The following IL1RAPL1 variants were observed in gnomAD, a reference collection of about 807,000 sequenced individuals.
IL1RAPL1 encodes the protein interleukin-1 receptor accessory protein-like 1.
A neutral mutation model predicts 48.4 loss-of-function variants in IL1RAPL1; 3 were observed. The observed-to-expected ratio is 0.06, with a 90% CI of 0.03 to 0.16. The LOEUF is 0.16. Ranked by LOEUF, IL1RAPL1 falls within the 10% of genes least tolerant of loss-of-function variation. IL1RAPL1 has a pLI of 1.00. For missense variants in IL1RAPL1, 349 were observed against 530.6 expected (o/e 0.66, Z 3.36); for synonymous variants, 185 against 187.7 (o/e 0.99, Z 0.12).
At chrX:28,699,548 G>A (rs956530811) in intron 1 of IL1RAPL1, among the ~76,000 whole-genome samples, 1 of 112,376 alleles carries the variant, frequency 8.9e-6, no homozygotes, top group Non-Finnish European at 1.9e-5. Context: ...TCAGCCAGAC[G>A]TTTTCTTTGA....
intron 6 of IL1RAPL1, among the ~76,000 whole-genome samples, chrX:29,862,497 A>C (rs1405656740): frequency 9.0e-6 from 1 of 111,323 alleles, no homozygotes; most frequent in East Asian, 2.8e-4. Flanking sequence ...AAAACGTGTG[A>C]TTTACTAGCT....
chrX:28,738,189 T>A (rs1300242480), intron 1 of IL1RAPL1, among the ~76,000 whole-genome samples: 4 of 110,603 alleles, frequency 3.6e-5, no homozygotes, highest in African/African-American at 9.8e-5. Context: ...AAAAAAAAAA[T>A]CTTAGAACAT....
At chrX:29,465,917 T>C (rs781765390) in intron 5 of IL1RAPL1, among the ~76,000 whole-genome samples, 1 of 111,884 alleles carries the variant, frequency 8.9e-6, no homozygotes, top group South Asian at 3.7e-4. Context: ...TACAGATTAA[T>C]GTTTTTCTGC....
chrX:29,889,153 T>C lies in IL1RAPL1; in HGVS notation c.779-28311T>C, dbSNP rs1932224928. ...TGGCATATAGGTTCATGTTTTTTTGTGTGCCAGACACTAAAATTGAGGCTC... is the reference window on the plus strand; with the variant it reads ...TGGCATATAGGTTCATGTTTTTTTGCGTGCCAGACACTAAAATTGAGGCTC... On this transcript the variant is annotated intron_variant, in intron 6 of 10. Transcript: ENST00000378993. Among the ~76,000 whole-genome samples, 3 of 112,189 alleles carry C rather than the reference T, an allele frequency of 2.7e-5. No individual in the cohort carries two copies. In the South Asian group the frequency reaches 1.1e-3, roughly 41 times the overall value.
At chrX:28,831,433 A>C (rs1026165627) in intron 2 of IL1RAPL1, among the ~76,000 whole-genome samples, 3 of 108,972 alleles carry the variant, frequency 2.8e-5, no homozygotes, top group Non-Finnish European at 5.7e-5. Flanking sequence ...GAGTCAGGTG[A>C]AATAAAGAGA....
Position 29,505,011 on chromosome X carries a change from T to C in IL1RAPL1, c.703+105703T>C, listed in dbSNP as rs1935312844. 1.8e-5 allele frequency among the ~76,000 whole-genome samples: 2 copies of C among 111,713 alleles called. 1 individual carries two copies. The highest frequency in any genetic ancestry group is 7.4e-4 in the South Asian group (2 of 2,705). On this transcript the variant is annotated intron_variant, in intron 5 of 10. Transcript: ENST00000378993. ...TTTCGGTGAATGTATTATTGGTTTT[T>C]GCTTTATAGTTACTATGAGGCTTAT... is the stretch of plus-strand genomic sequence containing the variant.
intron 2 of IL1RAPL1, among the ~76,000 whole-genome samples, chrX:29,214,377 G>A (rs1005109337): frequency 9.9e-5 from 11 of 111,273 alleles, no homozygotes; most frequent in African/African-American, 3.3e-4. Flanking sequence ...ATATGAAATT[G>A]AGGATGTGGT....
intron 5 of IL1RAPL1, among the ~76,000 whole-genome samples, chrX:29,541,942 T>A (rs1921452759): frequency 9.0e-6 from 1 of 110,663 alleles, no homozygotes; most frequent in Non-Finnish European, 1.9e-5. Flanking sequence ...TTGAAAAAAA[T>A]GACATAAAAT....
intron 5 of IL1RAPL1, among the ~76,000 whole-genome samples, chrX:29,543,864 G>GT (rs1286014668): frequency 9.0e-6 from 1 of 110,918 alleles, no homozygotes. Flanking sequence ...TCATGCCAGA[G>GT]TGTGGGGGTG....
chrX:29,746,419 G>T (rs1025865468), intron 6 of IL1RAPL1, among the ~76,000 whole-genome samples: 4 of 111,461 alleles, frequency 3.6e-5, no homozygotes, highest in African/African-American at 1.3e-4. Flanking sequence ...GCAATAAAAA[G>T]AATTTTTCTC....
chrX:29,088,831 A>C (rs1485410369), intron 2 of IL1RAPL1, among the ~76,000 whole-genome samples: 1 of 111,152 alleles, frequency 9.0e-6, no homozygotes, highest in Non-Finnish European at 1.9e-5. Flanking sequence ...TATTTAATGC[A>C]AAAAAGAATT....
At chrX:29,122,417 A>T (rs1314613390) in intron 2 of IL1RAPL1, among the ~76,000 whole-genome samples, 5 of 95,122 alleles carry the variant, frequency 5.3e-5, no homozygotes, top group East Asian at 3.6e-4. Context: ...TCTCACACAC[A>T]CACACACACA....
chrX:29,526,158 A>G (rs16988637), intron 5 of IL1RAPL1, among the ~76,000 whole-genome samples: 3,020 of 112,067 alleles, frequency 0.027, 105 homozygotes, highest in African/African-American at 0.094. Flanking sequence ...CTCAGAGTTT[A>G]TAATTAGGAG....
intron 1 of IL1RAPL1, among the ~76,000 whole-genome samples, chrX:28,698,266 C>A (rs1935257362): frequency 9.0e-6 from 1 of 111,046 alleles, no homozygotes; most frequent in African/African-American, 3.3e-5. Context: ...GTGAATCACT[C>A]CATGGCTGAA....
chrX:29,334,027 A>T (rs111779156), intron 3 of IL1RAPL1, among the ~76,000 whole-genome samples: 1 of 56,815 alleles, frequency 1.8e-5, no homozygotes, highest in African/African-American at 7.5e-5. Context: ...CGGGGGGCTG[A>T]TCCCCCCACC....
At chrX:29,920,620 C>T (rs1033974878) in intron 8 of IL1RAPL1, among the ~76,000 whole-genome samples, 3 of 108,093 alleles carry the variant, frequency 2.8e-5, no homozygotes, top group Non-Finnish European at 3.8e-5. Flanking sequence ...CATTGTGAAA[C>T]CCTGTCTCTA....
intron 2 of IL1RAPL1, among the ~76,000 whole-genome samples, chrX:28,874,064 T>C (rs1189297491): frequency 9.0e-6 from 1 of 110,596 alleles, no homozygotes; most frequent in Non-Finnish European, 1.9e-5. Context: ...TCCCAATATC[T>C]GAACATTTGA....
intron 2 of IL1RAPL1, among the ~76,000 whole-genome samples, chrX:28,952,261 T>A (rs1419284094): frequency 9.0e-6 from 1 of 110,946 alleles, no homozygotes; most frequent in Non-Finnish European, 1.9e-5. Flanking sequence ...TTGTTAAATA[T>A]CCTGGGCTTG....
chrX:29,022,812 T>C (rs771348400), intron 2 of IL1RAPL1, among the ~76,000 whole-genome samples: 1,080 of 101,831 alleles, frequency 0.011, 15 homozygotes, highest in African/African-American at 0.04. Context: ...CAAGATCCAA[T>C]AGATTAACTT....
Sources: gnomAD v4.1 joint callset for allele counts (sites outside exome capture counted in the v4.1 genomes callset) on GRCh38, gnomAD v4.1.1 for gene constraint, MANE v1.5 for transcripts, NCBI Gene and HGNC (gene_info 2026-07-23, HGNC 2026-07-21) for gene names.